Variants in FMN1 observed in about 807,000 individuals in gnomAD.
The protein encoded by FMN1 is formin 1, also known as formin-1.
Under a neutral mutation model 132.4 loss-of-function variants are expected in FMN1, and 110 were observed. That is an observed-to-expected ratio of 0.83 (90% confidence interval 0.71 to 0.97). FMN1 has a LOEUF of 0.97. FMN1 is among the 50% of genes least tolerant of loss of function. The probability of loss-of-function intolerance (pLI) is 0.00; values close to 1 mark genes in which losing one functional copy is unlikely to be tolerated. For synonymous variants in FMN1, 722 were observed against 651.7 expected (o/e 1.11, Z -1.64); for missense variants, 1,792 against 1,705.3 (o/e 1.05, Z -0.90).
At chr15:33,156,275 T>G (rs1197056210) in intron 3 of FMN1, among the ~76,000 whole-genome samples, 1 of 4,272 alleles carries the variant, frequency 2.3e-4, no homozygotes, top group East Asian at 6.6e-4. Context: ...CTCAAGTAGT[T>G]TTTTTTTTTT....
At chr15:33,136,248 C>G (rs1308331090) in intron 4 of FMN1, among the ~76,000 whole-genome samples, 5 of 152,154 alleles carry the variant, frequency 3.3e-5, no homozygotes, top group Non-Finnish European at 7.4e-5. Context: ...TAGCTCCATC[C>G]TCACTCAAAG....
At chr15:32,879,538 G>A (rs2059713756) in intron 16 of FMN1, among the ~76,000 whole-genome samples, 2 of 152,178 alleles carry the variant, frequency 1.3e-5, no homozygotes, top group South Asian at 4.1e-4. Flanking sequence ...GTAAAGTGCA[G>A]ACTGCAAGGC....
chr15:33,155,452 T>C (rs1466209523), intron 3 of FMN1, among the ~76,000 whole-genome samples: 1 of 152,198 alleles, frequency 6.6e-6, no homozygotes, highest in East Asian at 1.9e-4. Flanking sequence ...TCATAACTCA[T>C]ATTTGGAATA....
chr15:32,896,480 TGTACA>T (rs1014534666), intron 15 of FMN1, among the ~76,000 whole-genome samples: 8 of 152,152 alleles, frequency 5.3e-5, no homozygotes, highest in Non-Finnish European at 8.8e-5. Flanking sequence ...AATTTTTAAG[TGTACA>T]GTATAGTATT....
intron 3 of FMN1, among the ~76,000 whole-genome samples, chr15:33,158,392 T>C (rs1964760341): frequency 2.6e-5 from 4 of 151,854 alleles, no homozygotes; most frequent in South Asian, 2.1e-4. Context: ...CATTGGATTT[T>C]ATAGCAATAA....
At chr15:32,810,969 G>A (rs16959052) in intron 17 of FMN1, 23,213 of 456,104 alleles carry the variant, frequency 0.051, 973 homozygotes, top group African/African-American at 0.16. Context: ...AAGGGACTGC[G>A]CTCTGCTTCA....
At chr15:32,904,019 T>A (rs2141617386) in intron 12 of FMN1, among the ~76,000 whole-genome samples, 1 of 152,314 alleles carries the variant, frequency 6.6e-6, no homozygotes, top group Non-Finnish European at 1.5e-5. Flanking sequence ...AGAATGTCAG[T>A]CTGTCCTTTA....
At chr15:33,073,614 AT>A (rs1254017381) in intron 5 of FMN1, among the ~76,000 whole-genome samples, 1 of 152,300 alleles carries the variant, frequency 6.6e-6, no homozygotes, top group African/African-American at 2.4e-5. Flanking sequence ...AGTCAAAAAA[AT>A]GTCTGTAAAA....
intron 7 of FMN1, among the ~76,000 whole-genome samples, chr15:32,988,681 G>T (rs1300793268): frequency 6.6e-6 from 1 of 152,188 alleles, no homozygotes; most frequent in Admixed American, 6.5e-5. Flanking sequence ...TTGCTAACTA[G>T]AAGTAACCAG....
chr15:33,162,271 C>T (rs1057193781), intron 3 of FMN1, among the ~76,000 whole-genome samples: 9 of 152,064 alleles, frequency 5.9e-5, no homozygotes, highest in Non-Finnish European at 1.0e-4. Context: ...CCTTAGCCTC[C>T]CAAAGTGCTG....
intron 9 of FMN1, among the ~76,000 whole-genome samples, chr15:32,958,194 T>C (rs1008442101): frequency 8.5e-5 from 13 of 152,302 alleles, no homozygotes; most frequent in Admixed American, 7.2e-4. Flanking sequence ...TTACACAATG[T>C]AGGAAATACT....
intron 4 of FMN1, among the ~76,000 whole-genome samples, chr15:33,124,081 G>C (rs915978400): frequency 3.3e-5 from 5 of 152,158 alleles, no homozygotes; most frequent in African/African-American, 1.2e-4. Context: ...TCCATAAACA[G>C]ATCACAGTGA....
intron 6 of FMN1, among the ~76,000 whole-genome samples, chr15:33,018,911 G>T (rs1174772867): frequency 6.6e-6 from 1 of 152,164 alleles, no homozygotes; most frequent in Non-Finnish European, 1.5e-5. Flanking sequence ...CACTGGCTCA[G>T]GAGTGAAGCT....
intron 4 of FMN1, chr15:33,151,161 C>T: frequency 6.8e-7 from 1 of 1,477,266 alleles, no homozygotes; most frequent in South Asian, 1.4e-5. Context: ...GAACTCCCTC[C>T]CTCATGCCTT....
intron 19 of FMN1, among the ~76,000 whole-genome samples, chr15:32,796,862 C>T (rs528903661): frequency 6.6e-6 from 1 of 151,632 alleles, no homozygotes; most frequent in South Asian, 2.1e-4. Flanking sequence ...TCTTATTAGC[C>T]ATCATCAACT....
chr15:33,124,900 CA>C (rs536017142), intron 4 of FMN1, among the ~76,000 whole-genome samples: 50 of 151,266 alleles, frequency 3.3e-4, no homozygotes, highest in African/African-American at 1.2e-3. Context: ...TTGTTTGGCA[CA>C]AGGGCAAATG....
rs114854138 is a variant in FMN1 at position 32,868,987 on chromosome 15, A to G, written c.3836-11880T>C. Among the ~76,000 whole-genome samples the G allele has an allele frequency of 3.6e-3, 541 of 152,308 alleles. 4 individuals are homozygous for G. The highest frequency in any genetic ancestry group is 0.012 in the African/African-American group (517 of 41,578). On this transcript the variant is annotated intron_variant, in intron 16 of 20. Transcript: ENST00000616417. ...ATAGGCCTCTATTTCAGACTGGGCC[A>G]GGAGTTAGTAGCCAGGAAAGGCTCT...
intron 8 of FMN1, among the ~76,000 whole-genome samples, chr15:32,965,311 A>G (rs976570766): frequency 6.6e-6 from 1 of 152,070 alleles, no homozygotes; most frequent in Non-Finnish European, 1.5e-5. Flanking sequence ...GAGGCAGGAG[A>G]ATTGCTTGAA....
At position 32,914,508 on chromosome 15, in the gene FMN1, GA is replaced by G. The variant is rs1471097559; in HGVS notation, c.3227-3974del. Among the ~76,000 whole-genome samples, 5 of 152,182 alleles carry G rather than the reference GA, an allele frequency of 3.3e-5. No individual in the cohort carries two copies. The East Asian group carries it at 7.7e-4, about 23-fold the overall frequency. Reference sequence around the variant, plus strand: ...ACATAGTTTGGGGTAAAACCTTGTAGAATTTTGAATGCCACGATGAACCTGT... The same window carrying G: ...ACATAGTTTGGGGTAAAACCTTGTAGATTTTGAATGCCACGATGAACCTGT... On this transcript the variant is annotated intron_variant, in intron 10 of 20. Transcript: ENST00000616417.
Sources: gnomAD v4.1 joint callset for allele counts (sites outside exome capture counted in the v4.1 genomes callset) on GRCh38, gnomAD v4.1.1 for gene constraint, MANE v1.5 for transcripts, NCBI Gene and HGNC (gene_info 2026-07-23, HGNC 2026-07-21) for gene names.